The following ATG10 variants were observed in gnomAD, a reference collection of about 807,000 sequenced individuals.
ATG10 encodes the protein autophagy related 10, also known as ubiquitin-like-conjugating enzyme ATG10.
Under a neutral mutation model 32.1 loss-of-function variants are expected in ATG10, and 30 were observed. That is an observed-to-expected ratio of 0.94 (90% CI 0.70 to 1.27). The LOEUF (loss-of-function observed/expected upper bound fraction) is 1.27. ATG10 is among the 50% of genes most tolerant of loss of function. The pLI is 0.00. For synonymous variants in ATG10, 87 were observed against 91.5 expected, an observed-to-expected ratio of 0.95 and a Z score of 0.28; for missense variants, 233 against 262.3, an observed-to-expected ratio of 0.89 and a Z score of 0.77.
intron 5 of ATG10, among the ~76,000 whole-genome samples, chr5:82,183,817 C>T (rs1054129099): frequency 2.0e-5 from 3 of 152,094 alleles, no homozygotes; most frequent in African/African-American, 7.2e-5. Flanking sequence ...TCTCTAGTAT[C>T]CTCCAAAGGT....
intron 2 of ATG10, chr5:82,009,824 T>C: frequency 2.5e-6 from 4 of 1,606,838 alleles, no homozygotes; most frequent in Non-Finnish European, 3.4e-6. Flanking sequence ...CTGTATGCTT[T>C]AGGATGAAGT....
chr5:82,105,643 G>C (rs1374447458), intron 3 of ATG10, among the ~76,000 whole-genome samples: 1 of 152,128 alleles, frequency 6.6e-6, no homozygotes, highest in Non-Finnish European at 1.5e-5. Context: ...GTCAGAGGGA[G>C]TCTGGGAATA....
chr5:82,172,436 CAG>C (rs1297467654), intron 4 of ATG10, among the ~76,000 whole-genome samples: 1 of 152,068 alleles, frequency 6.6e-6, no homozygotes, highest in Admixed American at 6.6e-5. Flanking sequence ...ATACTGATTT[CAG>C]AGTTTCGAGG....
At chr5:81,996,838 A>C (rs557360068) in intron 2 of ATG10, among the ~76,000 whole-genome samples, 1 of 152,338 alleles carries the variant, frequency 6.6e-6, no homozygotes, top group Admixed American at 6.5e-5. Context: ...AGCAAATGTG[A>C]ATAATAACAG....
intron 5 of ATG10, among the ~76,000 whole-genome samples, chr5:82,197,022 C>A (rs972515461): frequency 1.3e-5 from 2 of 152,276 alleles, no homozygotes; most frequent in East Asian, 3.9e-4. Context: ...TCCAATTCAT[C>A]AATACGGAAT....
chr5:82,243,655 A>C (rs1746896746), intron 5 of ATG10, among the ~76,000 whole-genome samples: 1 of 152,172 alleles, frequency 6.6e-6, no homozygotes, highest in Admixed American at 6.5e-5. Context: ...CCGGATATAT[A>C]AAGCAAAAAC....
rs1368398909 is a variant in ATG10 at position 82,255,120 on chromosome 5, C to T, written c.*1057C>T. On this transcript the variant is annotated 3_prime_UTR_variant, in exon 8 of 8. Transcript: ENST00000282185. Reference sequence around the variant, plus strand: ...GTCATTTTACCCCTCTGCTTCTCAACCCCACAGCTGCTCTGCTGTACTCTT... The same window carrying T: ...GTCATTTTACCCCTCTGCTTCTCAATCCCACAGCTGCTCTGCTGTACTCTT... The T allele has an allele frequency of 1.3e-5, 2 of 152,142 alleles. No individual in the cohort carries two copies. The highest frequency in any genetic ancestry group is 2.1e-4 in the South Asian group (1 of 4,816). 9.4% of individuals were successfully genotyped at this position (152,142 alleles called of 1,614,324 possible). A position where few individuals can be genotyped will look rare whatever the true frequency, so the allele number is the denominator to read the frequency against.
chr5:82,245,062 T>C (rs1746969883), intron 5 of ATG10, among the ~76,000 whole-genome samples: 1 of 152,208 alleles, frequency 6.6e-6, no homozygotes, highest in Non-Finnish European at 1.5e-5. Context: ...CAGCAGATGG[T>C]AGCACTTTCA....
chr5:82,041,007 C>G (rs1281096908), intron 2 of ATG10, among the ~76,000 whole-genome samples: 2 of 152,122 alleles, frequency 1.3e-5, no homozygotes, highest in Non-Finnish European at 2.9e-5. Flanking sequence ...ATTCAAATGT[C>G]AAGACTTATG....
At position 82,117,424 on chromosome 5, in the gene ATG10, A is replaced by T. The variant is rs544034189; in HGVS notation, c.217-46975A>T. Among the ~76,000 whole-genome samples the T allele has an allele frequency of 2.0e-5, 3 of 152,242 alleles. No homozygotes were observed. The South Asian group carries it at 6.2e-4, about 32-fold the overall frequency. On this transcript the variant is annotated intron_variant, in intron 3 of 7. Coordinates refer to ENST00000282185, the MANE Select transcript of ATG10 (RefSeq NM_031482.5). ...TCATCTGTCAATCAACTTTGAAGTT[A>T]TTTGTGATTCCATTTCCTTGTTGTC...
chr5:81,995,633 G>A (rs770564735), intron 2 of ATG10, among the ~76,000 whole-genome samples: 15 of 152,068 alleles, frequency 9.9e-5, no homozygotes, highest in East Asian at 1.9e-4. Flanking sequence ...AAAAAAAGGG[G>A]GAAAATGTGC....
chr5:82,104,104 A>G (rs1765372987), intron 3 of ATG10, among the ~76,000 whole-genome samples: 1 of 152,074 alleles, frequency 6.6e-6, no homozygotes, highest in Non-Finnish European at 1.5e-5. Flanking sequence ...ATAGATGTTT[A>G]TGTTCCTTCC....
At chr5:82,236,001 G>A (rs891347509) in intron 5 of ATG10, among the ~76,000 whole-genome samples, 7 of 152,154 alleles carry the variant, frequency 4.6e-5, no homozygotes, top group Admixed American at 2.6e-4. Flanking sequence ...ATAAGTTTAT[G>A]TTCTATCAAA....
At chr5:82,061,320 C>T (rs1763761734) in intron 3 of ATG10, among the ~76,000 whole-genome samples, 1 of 150,968 alleles carries the variant, frequency 6.6e-6, no homozygotes, top group South Asian at 2.1e-4. Flanking sequence ...TAATTTCCCC[C>T]CTTCCAATCA....
intron 5 of ATG10, among the ~76,000 whole-genome samples, chr5:82,204,471 A>G (rs572488353): frequency 6.6e-6 from 1 of 152,328 alleles, no homozygotes; most frequent in South Asian, 2.1e-4. Flanking sequence ...CGAGGTTAGC[A>G]AGATAGACAT....
intron 3 of ATG10, among the ~76,000 whole-genome samples, chr5:82,091,544 T>C (rs1764885760): frequency 6.6e-6 from 1 of 152,184 alleles, no homozygotes; most frequent in African/African-American, 2.4e-5. Flanking sequence ...AGAGATCTTC[T>C]TAAACACTGT....
At chr5:82,213,143 G>A (rs1043594940) in intron 5 of ATG10, among the ~76,000 whole-genome samples, 1 of 152,078 alleles carries the variant, frequency 6.6e-6, no homozygotes, top group African/African-American at 2.4e-5. Flanking sequence ...ATTTAGTCCT[G>A]AACTTTTTGC....
At chr5:82,047,909 G>A (rs537888693) in intron 2 of ATG10, among the ~76,000 whole-genome samples, 18 of 152,292 alleles carry the variant, frequency 1.2e-4, no homozygotes, top group African/African-American at 4.3e-4. Context: ...GTGTAAGGAA[G>A]AGATCCAGTT....
At chr5:82,097,252 A>G (rs1353142799) in intron 3 of ATG10, among the ~76,000 whole-genome samples, 1 of 152,182 alleles carries the variant, frequency 6.6e-6, no homozygotes, top group Non-Finnish European at 1.5e-5. Context: ...TTGAAATTTA[A>G]AATTTAAAAA....
Sources: gnomAD v4.1 joint callset for allele counts (sites outside exome capture counted in the v4.1 genomes callset) on GRCh38, gnomAD v4.1.1 for gene constraint, MANE v1.5 for transcripts, NCBI Gene and HGNC (gene_info 2026-07-23, HGNC 2026-07-21) for gene names.